Variants in CSGALNACT1 observed in about 807,000 individuals in gnomAD.
CSGALNACT1 encodes the protein beta4GalNAcT-1.
Under a neutral mutation model 51.0 loss-of-function variants are expected in CSGALNACT1, and 52 were observed. The ratio of observed to expected loss-of-function variants is 1.02; its 90% CI spans 0.82 to 1.29. The LOEUF (loss-of-function observed/expected upper bound fraction) is 1.29. Among genes scored for constraint, CSGALNACT1 ranks in the 50% most tolerant of loss-of-function variants. CSGALNACT1 has a pLI of 0.00. For missense variants in CSGALNACT1, 935 were observed against 679.2 expected (o/e 1.38, Z -4.19); for synonymous variants, 341 against 254.4 (o/e 1.34, Z -3.24).
At chr8:19,629,228 G>A (rs1469476873) in intron 1 of CSGALNACT1, among the ~76,000 whole-genome samples, 4 of 152,128 alleles carry the variant, frequency 2.6e-5, no homozygotes, top group Non-Finnish European at 4.4e-5. Flanking sequence ...ATTAAAAAAC[G>A]TTTTCCTGGT....
At chr8:19,525,186 T>A (rs182167346) in intron 3 of CSGALNACT1, among the ~76,000 whole-genome samples, 1 of 152,164 alleles carries the variant, frequency 6.6e-6, no homozygotes, top group African/African-American at 2.4e-5. Flanking sequence ...TGTTGCCAAA[T>A]TGATGAAAAA....
exon 10 of CSGALNACT1, chr8:19,404,450 A>C (rs530234302): frequency 2.6e-5 from 12 of 453,220 alleles, no homozygotes; most frequent in African/African-American, 2.4e-4. Flanking sequence ...AATAGTTTGA[A>C]ATGGTAATAA....
upstream of CSGALNACT1, among the ~76,000 whole-genome samples, chr8:19,683,430 T>G (rs1010581646): frequency 6.6e-6 from 1 of 152,170 alleles, no homozygotes; most frequent in Non-Finnish European, 1.5e-5. Context: ...TAAAAACCAT[T>G]AGAATTACTA....
At chr8:19,616,818 G>T (rs1257305861) in intron 1 of CSGALNACT1, among the ~76,000 whole-genome samples, 1 of 152,146 alleles carries the variant, frequency 6.6e-6, no homozygotes, top group Non-Finnish European at 1.5e-5. Flanking sequence ...ACAATCAGCA[G>T]AACTGTGAGC....
intron 3 of CSGALNACT1, among the ~76,000 whole-genome samples, chr8:19,577,244 G>T (rs924906993): frequency 2.6e-5 from 4 of 152,044 alleles, no homozygotes; most frequent in Non-Finnish European, 4.4e-5. Context: ...TCTACTGCTG[G>T]GGATGAGTCG....
At chr8:19,561,885 C>T (rs1431613587) in intron 3 of CSGALNACT1, among the ~76,000 whole-genome samples, 3 of 152,156 alleles carry the variant, frequency 2.0e-5, no homozygotes, top group African/African-American at 4.8e-5. Flanking sequence ...TGAGCCCAAG[C>T]CAGGCCCAGA....
chr8:19,691,898 AC>A (rs1307867330), intron 1 of CSGALNACT1, among the ~76,000 whole-genome samples: 1 of 143,776 alleles, frequency 7.0e-6, no homozygotes, highest in East Asian at 2.1e-4. Context: ...CCGTTTTCAC[AC>A]TGCTACAAAG....
At chr8:19,497,729 C>T (rs1291120253) in intron 4 of CSGALNACT1, among the ~76,000 whole-genome samples, 2 of 152,166 alleles carry the variant, frequency 1.3e-5, no homozygotes, top group African/African-American at 4.8e-5. Context: ...CTCCAAATTA[C>T]TAAGCTAAAG....
At chr8:19,710,881 T>C (rs1845040) in intron 1 of CSGALNACT1, among the ~76,000 whole-genome samples, 61,941 of 151,796 alleles carry the variant, frequency 0.41, 13,019 homozygotes, top group East Asian at 0.66. Context: ...TCACATTCTC[T>C]TTCTTTATTC....
chr8:19,484,818 C>T (rs1385383454), intron 4 of CSGALNACT1, among the ~76,000 whole-genome samples: 3 of 152,082 alleles, frequency 2.0e-5, no homozygotes. Flanking sequence ...GGGTCCTAAT[C>T]CAATCTGACC....
chr8:19,631,797 A>G (rs1372206899), intron 1 of CSGALNACT1, among the ~76,000 whole-genome samples: 1 of 152,218 alleles, frequency 6.6e-6, no homozygotes, highest in Non-Finnish European at 1.5e-5. Context: ...TGTTTTGCAA[A>G]GCTTCTCAGA....
intron 1 of CSGALNACT1, among the ~76,000 whole-genome samples, chr8:19,621,606 G>A (rs1370591188): frequency 1.3e-5 from 2 of 152,078 alleles, no homozygotes; most frequent in East Asian, 1.9e-4. Context: ...GCAAGACCCA[G>A]TCTCTACAAA....
chr8:19,404,579 G>C lies in CSGALNACT1; in HGVS notation c.*1201C>G, dbSNP rs1411960634. ...TGTAGCAAAAACTTCCATCCCACTA[G>C]ATTCTGGCAGATGGATTGATCTTTC... On this transcript the variant is annotated 3_prime_UTR_variant, in exon 10 of 10. Coordinates refer to ENST00000454498, the Ensembl canonical transcript of CSGALNACT1. 4.2e-5 allele frequency: 19 copies of C among 448,216 alleles called. No homozygotes were observed. The East Asian group carries it at 1.3e-3, about 32-fold the overall frequency. 27.8% of individuals were successfully genotyped at this position (448,216 alleles called of 1,614,324 possible). A position where few individuals can be genotyped will look rare whatever the true frequency, so the allele number is the denominator to read the frequency against.
chr8:19,480,907 G>T (rs1401447176), intron 4 of CSGALNACT1, among the ~76,000 whole-genome samples: 1 of 152,198 alleles, frequency 6.6e-6, no homozygotes, highest in Admixed American at 6.5e-5. Context: ...ATCAACACCA[G>T]GCAATATCGA....
chr8:19,688,257 C>A (rs920928841), intron 1 of CSGALNACT1, among the ~76,000 whole-genome samples: 3 of 152,108 alleles, frequency 2.0e-5, no homozygotes, highest in African/African-American at 7.2e-5. Context: ...TTGGTAAGAT[C>A]TTTGAGATCA....
chr8:19,445,008 G>C (rs1233472672), intron 5 of CSGALNACT1, among the ~76,000 whole-genome samples: 4 of 152,152 alleles, frequency 2.6e-5, no homozygotes, highest in Non-Finnish European at 5.9e-5. Flanking sequence ...TGAGAATTCT[G>C]TCTCTTTCTG....
intron 4 of CSGALNACT1, among the ~76,000 whole-genome samples, chr8:19,469,691 C>A (rs930324596): frequency 2.0e-5 from 3 of 152,218 alleles, no homozygotes; most frequent in Non-Finnish European, 4.4e-5. Context: ...CGCCCTGAAG[C>A]CACCTCCTCA....
At chr8:19,420,857 T>G (rs566603970) in intron 6 of CSGALNACT1, among the ~76,000 whole-genome samples, 15 of 152,326 alleles carry the variant, frequency 9.8e-5, no homozygotes, top group African/African-American at 3.6e-4. Context: ...CTGGAAAATC[T>G]TCGTGCATCC....
At chr8:19,472,756 T>C (rs1234389342) in intron 4 of CSGALNACT1, among the ~76,000 whole-genome samples, 2 of 152,230 alleles carry the variant, frequency 1.3e-5, no homozygotes, top group Non-Finnish European at 2.9e-5. Context: ...AAAAAGCTTA[T>C]CAACTTTCCA....
Sources: gnomAD v4.1 joint callset for allele counts (sites outside exome capture counted in the v4.1 genomes callset) on GRCh38, gnomAD v4.1.1 for gene constraint, MANE v1.5 for transcripts, NCBI Gene and HGNC (gene_info 2026-07-23, HGNC 2026-07-21) for gene names.